The following RBM47 variants were observed in gnomAD, a reference collection of about 807,000 sequenced individuals.
RBM47 encodes the protein RNA binding motif protein 47.
Under a neutral mutation model 47.1 loss-of-function variants are expected in RBM47, and 21 were observed. The observed-to-expected ratio is 0.45, with a 90% CI of 0.32 to 0.64. RBM47 has a LOEUF of 0.64. Among genes scored for constraint, RBM47 ranks in the 30% least tolerant of loss-of-function variants. The pLI is 0.05. For missense variants in RBM47, 708 were observed against 870.9 expected, an observed-to-expected ratio of 0.81 and a Z score of 2.35; for synonymous variants, 375 against 361.7, an observed-to-expected ratio of 1.04 and a Z score of -0.42.
chr4:40,519,296 T>TA, intron 2 of RBM47, among the ~76,000 whole-genome samples: 1 of 109,194 alleles, frequency 9.2e-6, no homozygotes, highest in Non-Finnish European at 1.7e-5. Flanking sequence ...TCTCCTTCAA[T>TA]CTTTTTTTTT....
rs761056919 is a variant in RBM47 at position 40,426,030 on chromosome 4, G to A, written c.1656C>T (p.Ile552=). The A allele has an allele frequency of 9.3e-6, 15 of 1,614,096 alleles. No individual in the cohort carries two copies. Among genetic ancestry groups the A allele is most frequent in the African/African-American group, 5.3e-5 (4 of 74,926 alleles). Residue 552 remains isoleucine (I), a synonymous_variant, in exon 7 of 7, where the codon ATC becomes ATT. Transcript: ENST00000295971. ...CTGCCGCGTTCTTCTGTAGTGTGGCGATCGTGGCTGTAGCTGGAGCAGCAA... is the reference window on the plus strand; with the variant it reads ...CTGCCGCGTTCTTCTGTAGTGTGGCAATCGTGGCTGTAGCTGGAGCAGCAA... The part of the protein sequence containing the change: ...VPFAAPATAT[I]ATLQKNAAAA...
At chr4:40,616,810 T>G (rs1411345844) in intron 1 of RBM47, among the ~76,000 whole-genome samples, 2 of 152,022 alleles carry the variant, frequency 1.3e-5, no homozygotes, top group Non-Finnish European at 2.9e-5. Flanking sequence ...CAGCATGAAT[T>G]TGCATGTCTC....
intron 2 of RBM47, among the ~76,000 whole-genome samples, chr4:40,498,907 C>T (rs1340363787): frequency 6.6e-5 from 10 of 151,874 alleles, no homozygotes; most frequent in Non-Finnish European, 1.2e-4. Context: ...TAGCCGGGCA[C>T]GGTGGCACAT....
At chr4:40,588,992 CTTTT>C (rs34195998) in intron 1 of RBM47, among the ~76,000 whole-genome samples, 1 of 79,446 alleles carries the variant, frequency 1.3e-5, no homozygotes, top group Non-Finnish European at 2.5e-5. Context: ...TAAAGCGTTT[CTTTT>C]TTTTTTTTTT....
chr4:40,438,119 C>T lies in RBM47; in HGVS notation c.775G>A (p.Glu259Lys). The change falls in exon 4 of 7, where the codon GAG (glutamate) becomes AAG (lysine). Residue 259 changes from glutamate (E) to lysine (K), a missense_variant. Transcript: ENST00000295971. ...CCGAAGCTCTTCTTGATGGTGTCCT[C>T]GGTGGTCTCGATCATGAGGTTGCGC... The part of the protein sequence containing the change: ...YVRNLMIETT[E>K]DTIKKSFGQF... 1.2e-6 allele frequency: 2 copies of T among 1,613,426 alleles called. No individual in the cohort carries two copies. Among genetic ancestry groups the T allele is most frequent in the Non-Finnish European group, 1.7e-6 (2 of 1,180,030 alleles).
intron 4 of RBM47, among the ~76,000 whole-genome samples, chr4:40,437,566 A>G (rs561894876): frequency 9.9e-5 from 15 of 152,274 alleles, no homozygotes; most frequent in Admixed American, 7.9e-4. Context: ...TCACCCCAGA[A>G]CGATCTGTAT....
At chr4:40,569,779 C>T (rs985908007) in intron 1 of RBM47, among the ~76,000 whole-genome samples, 5 of 150,912 alleles carry the variant, frequency 3.3e-5, no homozygotes, top group African/African-American at 2.4e-5. Context: ...GCCGCAATCT[C>T]GGCTCACTGC....
chr4:40,607,887 CT>C, intron 1 of RBM47, among the ~76,000 whole-genome samples: 1 of 152,090 alleles, frequency 6.6e-6, no homozygotes, highest in East Asian at 1.9e-4. Flanking sequence ...GAAAGATTGC[CT>C]GTGTTCAAGA....
intron 1 of RBM47, among the ~76,000 whole-genome samples, chr4:40,587,602 T>C (rs1733715538): frequency 6.6e-6 from 1 of 152,184 alleles, no homozygotes. Flanking sequence ...AATAACACAT[T>C]GGAGGAATGG....
intron 1 of RBM47, among the ~76,000 whole-genome samples, chr4:40,550,059 A>G (rs1302509786): frequency 1.3e-5 from 2 of 152,190 alleles, no homozygotes; most frequent in Non-Finnish European, 2.9e-5. Flanking sequence ...CTCTCCATGA[A>G]TATTAGCCAG....
chr4:40,428,107 C>G (rs1216416364), intron 6 of RBM47, among the ~76,000 whole-genome samples: 4 of 152,150 alleles, frequency 2.6e-5, no homozygotes, highest in African/African-American at 9.7e-5. Context: ...GTGCAAGGAT[C>G]ACCTGAGCCT....
intron 1 of RBM47, among the ~76,000 whole-genome samples, chr4:40,557,680 C>T (rs1162045661): frequency 3.9e-5 from 6 of 151,954 alleles, no homozygotes; most frequent in African/African-American, 7.3e-5. Context: ...ACCCAGGAGG[C>T]GGAGGTTGCA....
intron 2 of RBM47, among the ~76,000 whole-genome samples, chr4:40,520,479 G>T (rs1195978406): frequency 6.6e-6 from 1 of 152,100 alleles, no homozygotes; most frequent in Admixed American, 6.6e-5. Flanking sequence ...CAGCTGTAGG[G>T]GCCCATGTCT....
rs78287350 is a variant in RBM47, at chr4:40,484,745, T to C, written c.-154-18046A>G. Among the ~76,000 whole-genome samples the C allele has an allele frequency of 6.2e-3, 947 of 152,348 alleles. 15 individuals are homozygous for C. The highest frequency in any genetic ancestry group is 0.022 in the African/African-American group (896 of 41,576). The stretch of plus-strand genomic sequence containing the variant: ...TATCTACCAGATTCTTATTTTCCTT[T>C]GTAACTCTCTTCTAGAATCACCTTC... On this transcript the variant is annotated intron_variant, in intron 2 of 6. Transcript: ENST00000295971.
Position 40,600,815 on chromosome 4 carries a change from G to A in RBM47, c.-240+28581C>T, listed in dbSNP as rs1222991383. Among the ~76,000 whole-genome samples the A allele has an allele frequency of 6.6e-5, 10 of 150,948 alleles. No homozygotes were observed. In the South Asian group the frequency reaches 1.7e-3, roughly 25 times the overall value. ...CAGCCTGACCAACATGGAGAAACCC[G>A]TCTCTACTGAAAATACAAAATTAGC... is the stretch of plus-strand genomic sequence containing the variant. On this transcript the variant is annotated intron_variant, in intron 1 of 6. Coordinates refer to ENST00000295971, the MANE Select transcript of RBM47 (RefSeq NM_001098634.2).
At chr4:40,611,049 T>C (rs1736219888) in intron 1 of RBM47, among the ~76,000 whole-genome samples, 2 of 152,158 alleles carry the variant, frequency 1.3e-5, no homozygotes, top group South Asian at 4.1e-4. Flanking sequence ...TTAAAAGTCT[T>C]ATCTTTATGA....
At chr4:40,568,791 A>G (rs921665294) in intron 1 of RBM47, among the ~76,000 whole-genome samples, 5 of 151,862 alleles carry the variant, frequency 3.3e-5, no homozygotes, top group East Asian at 1.9e-4. Flanking sequence ...GACCAGCCTA[A>G]CTAACATGGT....
intron 2 of RBM47, among the ~76,000 whole-genome samples, chr4:40,523,373 G>A (rs896735498): frequency 3.9e-5 from 6 of 152,026 alleles, no homozygotes; most frequent in East Asian, 1.9e-4. Flanking sequence ...ATGGTAGGCC[G>A]GGCGTGGTGG....
chr4:40,488,790 T>A (rs1447235042), intron 2 of RBM47, among the ~76,000 whole-genome samples: 1 of 152,196 alleles, frequency 6.6e-6, no homozygotes, highest in Non-Finnish European at 1.5e-5. Flanking sequence ...AACAACCAGA[T>A]TAGAATAGTT....
Sources: gnomAD v4.1 joint callset for allele counts (sites outside exome capture counted in the v4.1 genomes callset) on GRCh38, gnomAD v4.1.1 for gene constraint, MANE v1.5 for transcripts, NCBI Gene and HGNC (gene_info 2026-07-23, HGNC 2026-07-21) for gene names.